Variants in CUL3 observed in about 807,000 individuals in gnomAD.
The protein encoded by CUL3 is cullin-3.
CUL3 carries 19 observed loss-of-function variants against 89.1 expected under a neutral mutation model. That is an observed-to-expected ratio of 0.21 (90% CI 0.15 to 0.31). CUL3 has a LOEUF of 0.31. Among genes scored for constraint, CUL3 ranks in the 10% least tolerant of loss-of-function variants. The probability of loss-of-function intolerance (pLI) is 1.00; values close to 1 mark genes in which losing one functional copy is unlikely to be tolerated. For synonymous variants in CUL3, 351 were observed against 308.4 expected (o/e 1.14, Z -1.45); for missense variants, 469 against 942.3 (o/e 0.50, Z 6.58).
At chr2:224,509,353 G>C (rs929374820) in intron 6 of CUL3, among the ~76,000 whole-genome samples, 1 of 152,084 alleles carries the variant, frequency 6.6e-6, no homozygotes, top group Non-Finnish European at 1.5e-5. Flanking sequence ...CAAGTGGCTG[G>C]GACTAGGCAT....
chr2:224,556,200 C>G (rs1377070713), intron 2 of CUL3: 2 of 152,052 alleles, frequency 1.3e-5, no homozygotes, highest in African/African-American at 4.8e-5. Flanking sequence ...GATGCTAAAA[C>G]CATCACATGA....
At chr2:224,518,926 T>C (rs532150340) in intron 3 of CUL3, among the ~76,000 whole-genome samples, 39 of 152,334 alleles carry the variant, frequency 2.6e-4, no homozygotes, top group Middle Eastern at 3.4e-3. Context: ...ATGTCTGCTA[T>C]CTTAAGCCCT....
chr2:224,572,145 T>C (rs1026494476), intron 1 of CUL3, among the ~76,000 whole-genome samples: 3 of 152,200 alleles, frequency 2.0e-5, no homozygotes, highest in African/African-American at 7.2e-5. Flanking sequence ...AGAAAAGAGC[T>C]TTTAACCAGA....
At chr2:224,562,209 G>C (rs558377455) in intron 1 of CUL3, among the ~76,000 whole-genome samples, 21 of 150,648 alleles carry the variant, frequency 1.4e-4, no homozygotes, top group African/African-American at 4.9e-4. Flanking sequence ...ATCAAGAGCT[G>C]TTTTACTACA....
At chr2:224,568,208 T>C (rs1695093316) in intron 1 of CUL3, among the ~76,000 whole-genome samples, 3 of 152,184 alleles carry the variant, frequency 2.0e-5, no homozygotes, top group Admixed American at 2.0e-4. Context: ...TCTTCCGTGA[T>C]ATTTTATAGT....
At chr2:224,480,055 T>C (rs1233187277) in intron 14 of CUL3, 1 of 152,474 alleles carries the variant, frequency 6.6e-6, no homozygotes, top group Non-Finnish European at 1.5e-5. Context: ...CAAGTGCCTA[T>C]ATATGACCTA....
chr2:224,556,921 C>T (rs944692784), intron 2 of CUL3, among the ~76,000 whole-genome samples: 4 of 151,872 alleles, frequency 2.6e-5, no homozygotes, highest in African/African-American at 9.7e-5. Flanking sequence ...GAGTTCACAT[C>T]GTGCTATTCA....
chr2:224,505,229 C>T (rs1489961083), intron 8 of CUL3, among the ~76,000 whole-genome samples: 2 of 151,928 alleles, frequency 1.3e-5, no homozygotes, highest in Non-Finnish European at 2.9e-5. Context: ...CCTCCGCCTC[C>T]TGGGTTCAAG....
At chr2:224,564,703 G>C (rs895180966) in intron 1 of CUL3, among the ~76,000 whole-genome samples, 6 of 152,042 alleles carry the variant, frequency 3.9e-5, no homozygotes, top group African/African-American at 1.5e-4. Context: ...TACATTAGTG[G>C]CTCCCAAATC....
At chr2:224,493,559 T>C (rs1255688503) in intron 13 of CUL3, among the ~76,000 whole-genome samples, 2 of 152,248 alleles carry the variant, frequency 1.3e-5, no homozygotes, top group Non-Finnish European at 2.9e-5. Flanking sequence ...TACTTAATTT[T>C]AACCTTCCAT....
Position 224,547,294 on chromosome 2 carries a change from T to C in CUL3, c.264+10365A>G, listed in dbSNP as rs888331598. 2.0e-5 allele frequency among the ~76,000 whole-genome samples: 3 copies of C among 152,160 alleles called. No homozygotes were observed. In the East Asian group the frequency reaches 5.8e-4, roughly 29 times the overall value. ...CTATCCTCATTTCCTACAAAAACAT[T>C]CGAAGATGCTTTTGTTCATCCTTAT... On this transcript the variant is annotated intron_variant, in intron 2 of 15. Coordinates refer to ENST00000264414, the MANE Select transcript of CUL3 (RefSeq NM_003590.5).
At chr2:224,568,929 A>C (rs750425874) in intron 1 of CUL3, among the ~76,000 whole-genome samples, 12 of 152,166 alleles carry the variant, frequency 7.9e-5, no homozygotes, top group Non-Finnish European at 1.6e-4. Context: ...TAATCTTTCC[A>C]CTTGCCCATC....
intron 1 of CUL3, among the ~76,000 whole-genome samples, chr2:224,561,122 T>G (rs1694887722): frequency 6.6e-6 from 1 of 152,212 alleles, no homozygotes; most frequent in Non-Finnish European, 1.5e-5. Context: ...CATTCTTCAT[T>G]ATTTTCCTGG....
chr2:224,476,906 C>CT (rs1478147858), intron 15 of CUL3, among the ~76,000 whole-genome samples: 8 of 152,270 alleles, frequency 5.3e-5, no homozygotes, highest in African/African-American at 1.4e-4. Context: ...TCCCTTGAGC[C>CT]AGTACCTCAA....
At chr2:224,523,247 A>G (rs1486794098) in intron 3 of CUL3, among the ~76,000 whole-genome samples, 1 of 152,226 alleles carries the variant, frequency 6.6e-6, no homozygotes, top group Non-Finnish European at 1.5e-5. Context: ...CATCTGTAAA[A>G]TAACATCTAC....
chr2:224,545,092 T>C (rs1694247480), intron 2 of CUL3, among the ~76,000 whole-genome samples: 1 of 152,190 alleles, frequency 6.6e-6, no homozygotes. Context: ...ATGTTGCTGT[T>C]ATAATACATA....
At chr2:224,528,077 ATT>A (rs973986591) in intron 3 of CUL3, among the ~76,000 whole-genome samples, 1 of 151,974 alleles carries the variant, frequency 6.6e-6, no homozygotes, top group African/African-American at 2.4e-5. Context: ...TGAGCATTCC[ATT>A]TTTTTTCCTT....
At chr2:224,574,833 C>T (rs1695263373) in intron 1 of CUL3, among the ~76,000 whole-genome samples, 1 of 152,158 alleles carries the variant, frequency 6.6e-6, no homozygotes, top group Admixed American at 6.5e-5. Flanking sequence ...GAGGAGGAAA[C>T]AAACTTAAAG....
intron 3 of CUL3, among the ~76,000 whole-genome samples, chr2:224,523,237 C>A (rs1693334558): frequency 6.6e-6 from 1 of 152,128 alleles, no homozygotes; most frequent in Non-Finnish European, 1.5e-5. Context: ...TCAGTTGCCT[C>A]ATCTGTAAAA....
Sources: allele counts gnomAD v4.1 joint callset (sites outside exome capture counted in the v4.1 genomes callset), GRCh38; gene constraint gnomAD v4.1.1; transcripts MANE v1.5; gene names NCBI Gene and HGNC (gene_info 2026-07-23, HGNC 2026-07-21).